Variants in PAIP2B observed in about 807,000 individuals in gnomAD.
PAIP2B encodes the protein poly(A) binding protein interacting protein 2B, also known as polyadenylate-binding protein-interacting protein 2B.
A neutral mutation model predicts 17.0 loss-of-function variants in PAIP2B; 13 were observed. That is an observed-to-expected ratio of 0.76 (90% CI 0.50 to 1.22). The LOEUF (loss-of-function observed/expected upper bound fraction) is 1.22, where lower values mean the gene tolerates loss of function less well. PAIP2B is among the 50% of genes most tolerant of loss of function. PAIP2B has a pLI of 0.00. For synonymous variants in PAIP2B, 43 were observed against 48.7 expected, an observed-to-expected ratio of 0.88 and a Z score of 0.48; for missense variants, 117 against 144.5, an observed-to-expected ratio of 0.81 and a Z score of 0.98.
intron 1 of PAIP2B, among the ~76,000 whole-genome samples, chr2:71,217,887 C>T (rs750727570): frequency 1.3e-4 from 20 of 151,882 alleles, no homozygotes; most frequent in Non-Finnish European, 2.6e-4. Flanking sequence ...GGCAGCATAG[C>T]GAATTCTTAT....
At chr2:71,204,090 T>G (rs1472897298) in intron 1 of PAIP2B, among the ~76,000 whole-genome samples, 1 of 152,120 alleles carries the variant, frequency 6.6e-6, no homozygotes, top group Non-Finnish European at 1.5e-5. Flanking sequence ...ATGCATAATT[T>G]TTCTCCTTCC....
chr2:71,202,054 A>C (rs2103783637), intron 2 of PAIP2B, among the ~76,000 whole-genome samples: 1 of 152,350 alleles, frequency 6.6e-6, no homozygotes, highest in African/African-American at 2.4e-5. Context: ...AGCCAGAACA[A>C]GGCTGAGGGC....
intron 1 of PAIP2B, among the ~76,000 whole-genome samples, chr2:71,205,392 T>G (rs1428499017): frequency 2.0e-5 from 3 of 152,208 alleles, no homozygotes; most frequent in Non-Finnish European, 2.9e-5. Flanking sequence ...AATAAAGCAC[T>G]TTCATACCCA....
chr2:71,189,575 G>A (rs1674629849), intron 3 of PAIP2B, among the ~76,000 whole-genome samples: 1 of 152,220 alleles, frequency 6.6e-6, no homozygotes, highest in South Asian at 2.1e-4. Flanking sequence ...CTACTTTGAA[G>A]AGCCCATTAG....
At chr2:71,191,697 A>C (rs368835462) in intron 2 of PAIP2B, among the ~76,000 whole-genome samples, 3 of 152,206 alleles carry the variant, frequency 2.0e-5, no homozygotes, top group South Asian at 4.1e-4. Context: ...GGTTAAAAGA[A>C]GACCCCTTGC....
At position 71,211,630 on chromosome 2, in the gene PAIP2B, T is replaced by G. The variant is rs1395322927; in HGVS notation, c.-11-9030A>C. On this transcript the variant is annotated intron_variant, in intron 1 of 3. Coordinates refer to ENST00000244221, the MANE Select transcript of PAIP2B (RefSeq NM_020459.1). Reference sequence around the variant, plus strand: ...AAAAAAAAAAAAAAATGGCCATGTGTAAATTCATTGTCCTGAGAAGTCCTG... The same window carrying G: ...AAAAAAAAAAAAAAATGGCCATGTGGAAATTCATTGTCCTGAGAAGTCCTG... Among the ~76,000 whole-genome samples the G allele has an allele frequency of 2.6e-5, 4 of 151,218 alleles. No individual in the cohort carries two copies. In the South Asian group the frequency reaches 8.4e-4, roughly 32 times the overall value.
chr2:71,185,441 A>C lies in PAIP2B; in HGVS notation c.*3038T>G, dbSNP rs772948926. Reference sequence around the variant, plus strand: ...TAATTAGCTGGCCGTGGTGGTGCGTACCTGTTGTCCCAGCTACTCGGGAGG... The same window carrying C: ...TAATTAGCTGGCCGTGGTGGTGCGTCCCTGTTGTCCCAGCTACTCGGGAGG... On this transcript the variant is annotated 3_prime_UTR_variant, in exon 4 of 4. Coordinates refer to ENST00000244221, the MANE Select transcript of PAIP2B (RefSeq NM_020459.1). The C allele has an allele frequency of 6.6e-6, 1 of 151,980 alleles. No homozygotes were observed. The highest frequency in any genetic ancestry group is 1.5e-5 in the Non-Finnish European group (1 of 67,976). The allele number at this position is 151,980 out of a possible 1,614,324, so 9.4% of individuals were successfully genotyped here. A position where few individuals can be genotyped will look rare whatever the true frequency, so the allele number is the denominator to read the frequency against.
Position 71,184,120 on chromosome 2 carries a change from C to T in PAIP2B, c.*4359G>A, listed in dbSNP as rs533243784. Reference sequence around the variant, plus strand: ...TAGTACAATGTTTTTAAGATTTTATCTCATTTTTGTCATATTAGCCTAAAA... The same window carrying T: ...TAGTACAATGTTTTTAAGATTTTATTTCATTTTTGTCATATTAGCCTAAAA... On this transcript the variant is annotated 3_prime_UTR_variant, in exon 4 of 4. Transcript: ENST00000244221. The T allele has an allele frequency of 2.0e-5, 3 of 152,256 alleles. No homozygotes were observed. The East Asian group carries it at 5.8e-4, about 29-fold the overall frequency. 9.4% of individuals were successfully genotyped at this position (152,256 alleles called of 1,614,324 possible).
At chr2:71,207,427 A>G (rs1408866308) in intron 1 of PAIP2B, among the ~76,000 whole-genome samples, 1 of 152,180 alleles carries the variant, frequency 6.6e-6, no homozygotes, top group Non-Finnish European at 1.5e-5. Flanking sequence ...GCCAGATCAG[A>G]TCATTCAGGA....
At chr2:71,189,323 C>T (rs1428590113) in intron 3 of PAIP2B, among the ~76,000 whole-genome samples, 1 of 152,174 alleles carries the variant, frequency 6.6e-6, no homozygotes, top group Middle Eastern at 3.2e-3. Context: ...TGCTCACAGA[C>T]TTCTGATGTT....
At chr2:71,192,773 A>AT (rs1674720329) in intron 2 of PAIP2B, among the ~76,000 whole-genome samples, 1 of 152,118 alleles carries the variant, frequency 6.6e-6, no homozygotes, top group East Asian at 1.9e-4. Context: ...TAATCTCATT[A>AT]TTTTTTATGG....
At chr2:71,203,213 A>G (rs1349025921) in intron 1 of PAIP2B, among the ~76,000 whole-genome samples, 1 of 152,060 alleles carries the variant, frequency 6.6e-6, no homozygotes, top group African/African-American at 2.4e-5. Flanking sequence ...TCCATTCTCA[A>G]TAGTAATAGG....
At chr2:71,211,994 T>C (rs141147901) in intron 1 of PAIP2B, among the ~76,000 whole-genome samples, 1 of 152,158 alleles carries the variant, frequency 6.6e-6, no homozygotes, top group African/African-American at 2.4e-5. Flanking sequence ...CAAATAGCAA[T>C]TAGCATATGG....
At position 71,186,641 on chromosome 2, in the gene PAIP2B, G is replaced by A. The variant is rs357781; in HGVS notation, c.*1838C>T. ...CTTGCAATGCCCTTTCCCTTTTAGA[G>A]GAAACAACCCAGCTGAAAGCTGAAG... On this transcript the variant is annotated 3_prime_UTR_variant, in exon 4 of 4. Transcript: ENST00000244221. 1 of 152,130 alleles carries A rather than the reference G, an allele frequency of 6.6e-6. No homozygotes were observed. The highest frequency in any genetic ancestry group is 6.5e-5 in the Admixed American group (1 of 15,282). The allele number at this position is 152,130 out of a possible 1,614,324, so 9.4% of individuals were successfully genotyped here.
chr2:71,223,501 C>T (rs1288382171), intron 1 of PAIP2B, among the ~76,000 whole-genome samples: 4 of 151,076 alleles, frequency 2.6e-5, no homozygotes, highest in East Asian at 2.0e-4. Context: ...TGCAGTGGCA[C>T]GATTCGGCTC....
chr2:71,213,333 A>G (rs182109714), intron 1 of PAIP2B, among the ~76,000 whole-genome samples: 93 of 152,312 alleles, frequency 6.1e-4, no homozygotes, highest in Non-Finnish European at 1.1e-3. Flanking sequence ...AGCATAATAC[A>G]TCTGTAATGA....
At chr2:71,221,785 C>T (rs1424874962) in intron 1 of PAIP2B, among the ~76,000 whole-genome samples, 10 of 152,088 alleles carry the variant, frequency 6.6e-5, no homozygotes, top group Non-Finnish European at 1.5e-4. Flanking sequence ...TTTCCTGGGT[C>T]GAGTGGGGAC....
chr2:71,202,137 C>T (rs138378788), intron 2 of PAIP2B, among the ~76,000 whole-genome samples: 4 of 152,178 alleles, frequency 2.6e-5, no homozygotes, highest in Non-Finnish European at 5.9e-5. Flanking sequence ...GGAGTATATG[C>T]AAATCTATTT....
In PAIP2B at chr2:71,184,747, A is replaced by G. The variant is rs888580459; in HGVS notation, c.*3732T>C. ...ACATCAAGGCCCCCACTACACACCA[A>G]ATTAGAGTCAATCCTCCTGTTCTCC... On this transcript the variant is annotated 3_prime_UTR_variant, in exon 4 of 4. Transcript: ENST00000244221. 2 of 152,098 alleles carry G rather than the reference A, an allele frequency of 1.3e-5. No individual in the cohort carries two copies. Among genetic ancestry groups the G allele is most frequent in the African/African-American group, 4.8e-5 (2 of 41,378 alleles). The allele number at this position is 152,098 out of a possible 1,614,324, so 9.4% of individuals were successfully genotyped here.
Sources: allele counts gnomAD v4.1 joint callset (sites outside exome capture counted in the v4.1 genomes callset), GRCh38; gene constraint gnomAD v4.1.1; transcripts MANE v1.5; gene names NCBI Gene and HGNC (gene_info 2026-07-23, HGNC 2026-07-21).